Variants in NRXN1 observed in about 807,000 individuals in gnomAD.
The protein encoded by NRXN1 is neurexin 1.
A neutral mutation model predicts 150.9 loss-of-function variants in NRXN1; 39 were observed. That is an observed-to-expected ratio of 0.26 (90% CI 0.20 to 0.34). NRXN1 has a LOEUF of 0.34. Among genes scored for constraint, NRXN1 ranks in the 10% least tolerant of loss-of-function variants. NRXN1 has a pLI of 1.00. For missense variants in NRXN1, 1,815 were observed against 1,949.9 expected (o/e 0.93, Z 1.30); for synonymous variants, 924 against 757.0 (o/e 1.22, Z -3.62).
intron 17 of NRXN1, among the ~76,000 whole-genome samples, chr2:50,306,834 GC>G (rs1316031679): frequency 2.0e-5 from 3 of 152,182 alleles, no homozygotes; most frequent in African/African-American, 7.2e-5. Flanking sequence ...GGCTAAGGTG[GC>G]TTTTTGTTTT....
At chr2:50,448,677 T>C (rs980755970) in intron 17 of NRXN1, among the ~76,000 whole-genome samples, 3 of 152,186 alleles carry the variant, frequency 2.0e-5, no homozygotes, top group South Asian at 2.1e-4. Context: ...GTGATACTTA[T>C]GTGCAGTGAT....
intron 5 of NRXN1, among the ~76,000 whole-genome samples, chr2:50,828,238 A>ACCTC (rs1184786367): frequency 6.9e-6 from 1 of 145,044 alleles, no homozygotes; most frequent in African/African-American, 2.6e-5. Flanking sequence ...GGCACCCCTC[A>ACCTC]CCTCCCGGAC....
chr2:50,720,688 C>A (rs911235879), intron 5 of NRXN1, among the ~76,000 whole-genome samples: 1 of 152,176 alleles, frequency 6.6e-6, no homozygotes, highest in African/African-American at 2.4e-5. Context: ...TCCTGCATGT[C>A]CAAAGACACT....
chr2:50,952,970 T>G (rs918409970), intron 2 of NRXN1, among the ~76,000 whole-genome samples: 18 of 152,216 alleles, frequency 1.2e-4, no homozygotes, highest in Admixed American at 1.2e-3. Context: ...AGTAAAGTGG[T>G]GTACACAGGA....
At position 50,521,481 on chromosome 2, in the gene NRXN1, A is replaced by G. The variant is rs77434409; in HGVS notation, c.2374+7144T>C. On this transcript the variant is annotated intron_variant, in intron 12 of 22. Transcript: ENST00000401669. ...TAGTATTTCTTATTCATCTTCAGGA[A>G]AACTGTTTTCATAATGCATTTCTTA... is the stretch of plus-strand genomic sequence containing the variant. Among the ~76,000 whole-genome samples the G allele has an allele frequency of 7.0e-3, 1,073 of 152,320 alleles. 10 individuals carry two copies. Among genetic ancestry groups the G allele is most frequent in the African/African-American group, 0.025 (1,032 of 41,578 alleles).
At chr2:50,398,625 C>G (rs1398422871) in intron 17 of NRXN1, among the ~76,000 whole-genome samples, 4 of 152,100 alleles carry the variant, frequency 2.6e-5, no homozygotes, top group African/African-American at 9.7e-5. Context: ...CATACACAGT[C>G]ATTTTCCCTG....
chr2:49,965,150 G>A (rs557201203), intron 21 of NRXN1, among the ~76,000 whole-genome samples: 49 of 152,052 alleles, frequency 3.2e-4, no homozygotes, highest in Admixed American at 1.4e-3. Context: ...AAAGTGCTGG[G>A]ATTACAGGCA....
chr2:50,982,026 G>T (rs1368161034), intron 2 of NRXN1, among the ~76,000 whole-genome samples: 1 of 152,014 alleles, frequency 6.6e-6, no homozygotes, highest in African/African-American at 2.4e-5. Context: ...AAATCCAAAA[G>T]AACATCTGAG....
chr2:50,707,190 T>A (rs1694557998), intron 5 of NRXN1, among the ~76,000 whole-genome samples: 1 of 152,150 alleles, frequency 6.6e-6, no homozygotes, highest in Non-Finnish European at 1.5e-5. Context: ...AAATTGCATT[T>A]CCCAGTAAGC....
At chr2:50,847,246 C>T (rs937779420) in intron 5 of NRXN1, among the ~76,000 whole-genome samples, 2 of 152,032 alleles carry the variant, frequency 1.3e-5, no homozygotes, top group African/African-American at 2.4e-5. Context: ...ATTATTTTTA[C>T]TTTTTCAAAT....
At chr2:50,150,950 T>A (rs1456241220) in intron 18 of NRXN1, among the ~76,000 whole-genome samples, 7 of 151,726 alleles carry the variant, frequency 4.6e-5, no homozygotes, top group Admixed American at 4.6e-4. Flanking sequence ...TCTATTCCCA[T>A]CTTTATCCTG....
At chr2:50,018,089 A>G (rs187810768) in intron 21 of NRXN1, among the ~76,000 whole-genome samples, 64 of 152,226 alleles carry the variant, frequency 4.2e-4, no homozygotes, top group African/African-American at 1.4e-3. Flanking sequence ...GAGGCATCCA[A>G]GGGACCCTGG....
intron 18 of NRXN1, among the ~76,000 whole-genome samples, chr2:50,124,271 T>C (rs1704263420): frequency 6.6e-6 from 1 of 152,150 alleles, no homozygotes; most frequent in Non-Finnish European, 1.5e-5. Flanking sequence ...AATAAGAATA[T>C]TGAATACATT....
chr2:50,031,737 A>G (rs1391434458), intron 21 of NRXN1, among the ~76,000 whole-genome samples: 1 of 152,096 alleles, frequency 6.6e-6, no homozygotes, highest in Non-Finnish European at 1.5e-5. Context: ...AGTGCTAGAG[A>G]TGTGTCTCAA....
chr2:50,630,887 T>C (rs1244298258), intron 5 of NRXN1, among the ~76,000 whole-genome samples: 1 of 151,722 alleles, frequency 6.6e-6, no homozygotes, highest in South Asian at 2.1e-4. Context: ...GATGTACACA[T>C]TAGAAGTCTG....
At chr2:50,177,968 A>C (rs1183331102) in intron 18 of NRXN1, among the ~76,000 whole-genome samples, 2 of 152,060 alleles carry the variant, frequency 1.3e-5, no homozygotes, top group Non-Finnish European at 2.9e-5. Context: ...CTTGAGTTCT[A>C]GTCCTATGAT....
At chr2:50,942,538 A>C (rs1689621628) in intron 2 of NRXN1, among the ~76,000 whole-genome samples, 1 of 152,204 alleles carries the variant, frequency 6.6e-6, no homozygotes, top group Non-Finnish European at 1.5e-5. Flanking sequence ...CCACTCTTGC[A>C]TCTGCATGTC....
intron 18 of NRXN1, among the ~76,000 whole-genome samples, chr2:50,122,392 G>A (rs1325917293): frequency 6.6e-6 from 1 of 152,206 alleles, no homozygotes; most frequent in African/African-American, 2.4e-5. Context: ...CCAAAGTAAT[G>A]CTTAACCCTT....
intron 8 of NRXN1, among the ~76,000 whole-genome samples, chr2:50,598,643 T>G (rs1238495977): frequency 6.8e-6 from 1 of 147,710 alleles, no homozygotes; most frequent in Non-Finnish European, 1.5e-5. Context: ...TATATATGTG[T>G]GTGTATCTAT....
Sources: allele counts gnomAD v4.1 joint callset (sites outside exome capture counted in the v4.1 genomes callset), GRCh38; gene constraint gnomAD v4.1.1; transcripts MANE v1.5; gene names NCBI Gene and HGNC (gene_info 2026-07-23, HGNC 2026-07-21).